OTOGL: variants seen among roughly 807,000 people sequenced by gnomAD.
The protein encoded by OTOGL is otogelin like, also known as otogelin-like protein.
In OTOGL, 285 loss-of-function variants were observed where a neutral mutation model predicts 318.5. The observed-to-expected ratio is 0.89, with a 90% CI of 0.81 to 0.99. The LOEUF (loss-of-function observed/expected upper bound fraction) is 0.99. Among genes scored for constraint, OTOGL ranks in the 50% least tolerant of loss-of-function variants. The probability of loss-of-function intolerance (pLI) is 0.00; values close to 1 mark genes in which losing one functional copy is unlikely to be tolerated. For synonymous variants in OTOGL, 987 were observed against 936.5 expected (o/e 1.05, Z -0.99); for missense variants, 2,899 against 2,845.6 (o/e 1.02, Z -0.43).
At chr12:80,195,672 A>T (rs1298152486) in intron 1 of OTOGL, among the ~76,000 whole-genome samples, 1 of 152,284 alleles carries the variant, frequency 6.6e-6, no homozygotes, top group Middle Eastern at 3.4e-3. Flanking sequence ...AGATTTTGAT[A>T]TAGACAATGC....
chr12:80,270,189 T>C lies in OTOGL; in HGVS notation c.2518+35T>C. On this transcript the variant is annotated intron_variant, in intron 23 of 58. Transcript: ENST00000547103. The stretch of plus-strand genomic sequence containing the variant: ...TAAAAGATGTTTTCCTGAATGAGGG[T>C]TCAGCTCTGATACCACCTCCACTCC... 5 of 1,531,058 alleles carry C rather than the reference T, an allele frequency of 3.3e-6. No homozygotes were observed. The South Asian group carries it at 3.5e-5, about 11-fold the overall frequency. The allele number at this position is 1,531,058 out of a possible 1,614,324, so 94.8% of individuals were successfully genotyped here. A position where few individuals can be genotyped will look rare whatever the true frequency, so the allele number is the denominator to read the frequency against.
At chr12:80,185,200 C>T (rs1006654031) in intron 1 of OTOGL, among the ~76,000 whole-genome samples, 3 of 152,088 alleles carry the variant, frequency 2.0e-5, no homozygotes, top group African/African-American at 2.4e-5. Context: ...GCAATGTGAA[C>T]AGAGAGGAAG....
intron 1 of OTOGL, among the ~76,000 whole-genome samples, chr12:80,132,984 T>A (rs1380977873): frequency 6.6e-6 from 1 of 152,232 alleles, no homozygotes; most frequent in African/African-American, 2.4e-5. Flanking sequence ...TCTCTCCTGT[T>A]ACTTTTGTTT....
At chr12:80,329,602 C>G (rs1887940844) in intron 37 of OTOGL, among the ~76,000 whole-genome samples, 1 of 152,180 alleles carries the variant, frequency 6.6e-6, no homozygotes, top group Non-Finnish European at 1.5e-5. Context: ...CATTCTGTCT[C>G]TGGCTCTGGA....
Position 80,220,760 on chromosome 12 carries a change from G to GA in OTOGL, c.334+851dup, listed in dbSNP as rs138344386. On this transcript the variant is annotated intron_variant, in intron 6 of 58. Coordinates refer to ENST00000547103, the MANE Select transcript of OTOGL (RefSeq NM_001378609.3). ...ATTGGGGATGCAACGGTGAATAATA[G>GA]AAACATGTTCCTGTCCTCTTGGAGG... Among the ~76,000 whole-genome samples the GA allele has an allele frequency of 4.7e-4, 71 of 151,860 alleles. No individual in the cohort carries two copies. The East Asian group carries it at 0.012, about 27-fold the overall frequency.
At chr12:80,258,433 A>G (rs1245506096) in intron 18 of OTOGL, among the ~76,000 whole-genome samples, 1 of 152,160 alleles carries the variant, frequency 6.6e-6, no homozygotes, top group Non-Finnish European at 1.5e-5. Context: ...TAAATACTCT[A>G]TAAATATTGA....
At chr12:80,243,597 T>G (rs1302850927) in intron 11 of OTOGL, among the ~76,000 whole-genome samples, 1 of 151,582 alleles carries the variant, frequency 6.6e-6, no homozygotes, top group Non-Finnish European at 1.5e-5. Context: ...ACGTGTGATA[T>G]TGGAGCAAAA....
At position 80,275,123 on chromosome 12, in the gene OTOGL, T is replaced by C. The variant is rs568653773; in HGVS notation, c.2682-3045T>C. On this transcript the variant is annotated intron_variant, in intron 24 of 58. Coordinates refer to ENST00000547103, the MANE Select transcript of OTOGL (RefSeq NM_001378609.3). Reference sequence around the variant, plus strand: ...ATTTAGGAAATACATTTCACAGGGCTATACCTGCCATAGATAGTGATTTCT... The same window carrying C: ...ATTTAGGAAATACATTTCACAGGGCCATACCTGCCATAGATAGTGATTTCT... 3.0e-4 allele frequency among the ~76,000 whole-genome samples: 45 copies of C among 152,116 alleles called. No individual in the cohort carries two copies. The East Asian group carries it at 8.7e-3, about 29-fold the overall frequency.
At chr12:80,169,065 A>G (rs1874017319) in intron 1 of OTOGL, among the ~76,000 whole-genome samples, 1 of 152,116 alleles carries the variant, frequency 6.6e-6, no homozygotes, top group African/African-American at 2.4e-5. Context: ...TTTGCCTTCT[A>G]GATTTTTTTT....
chr12:80,203,453 A>T (rs1876597034), intron 1 of OTOGL, among the ~76,000 whole-genome samples: 1 of 152,120 alleles, frequency 6.6e-6, no homozygotes, highest in South Asian at 2.1e-4. Context: ...AGTAAAATTC[A>T]CAGATTCTGG....
Position 80,320,419 on chromosome 12 carries a change from C to T in OTOGL, c.3803-3C>T, listed in dbSNP as rs1252996088. The T allele has an allele frequency of 6.2e-7, 1 of 1,606,738 alleles. No homozygotes were observed. Among genetic ancestry groups the T allele is most frequent in the Non-Finnish European group, 8.5e-7 (1 of 1,175,714 alleles). On this transcript the variant is annotated splice_polypyrimidine_tract_variant and splice_region_variant and intron_variant, in intron 33 of 58. Transcript: ENST00000547103. Reference sequence around the variant, plus strand: ...AGAATCCACACTGCTCTATATTTTACAGCATTAGCACTTGTTTCCTTGGAA... The same window carrying T: ...AGAATCCACACTGCTCTATATTTTATAGCATTAGCACTTGTTTCCTTGGAA...
At chr12:80,211,645 G>A (rs1394867046) in intron 3 of OTOGL, among the ~76,000 whole-genome samples, 1 of 152,106 alleles carries the variant, frequency 6.6e-6, no homozygotes, top group African/African-American at 2.4e-5. Context: ...GCAAGGGTTG[G>A]TGCTACAATG....
intron 35 of OTOGL, among the ~76,000 whole-genome samples, chr12:80,327,639 A>G (rs1887762020): frequency 6.6e-6 from 1 of 151,592 alleles, no homozygotes; most frequent in Non-Finnish European, 1.5e-5. Context: ...GAGCATGCCA[A>G]TCTGCTTGGA....
rs150861630 is a variant in OTOGL, at chr12:80,185,264, T to C, written c.-19-24149T>C. 4.6e-5 allele frequency among the ~76,000 whole-genome samples: 7 copies of C among 152,214 alleles called. No homozygotes were observed. In the East Asian group the frequency reaches 1.4e-3, roughly 29 times the overall value. On this transcript the variant is annotated intron_variant, in intron 1 of 58. Transcript: ENST00000547103. ...TGAGGTCAGGCTGCCTGGGTTATAA[T>C]GTAAGTTCTGCTATATTATAAATTA... is the stretch of plus-strand genomic sequence containing the variant.
At chr12:80,163,035 C>CA (rs1213692838) in intron 1 of OTOGL, among the ~76,000 whole-genome samples, 2 of 151,260 alleles carry the variant, frequency 1.3e-5, no homozygotes, top group Non-Finnish European at 2.9e-5. Flanking sequence ...ATATTCTTTC[C>CA]AAAAAAATGG....
At chr12:80,250,394 G>A (rs1426912909) in intron 11 of OTOGL, among the ~76,000 whole-genome samples, 1 of 152,070 alleles carries the variant, frequency 6.6e-6, no homozygotes, top group Non-Finnish European at 1.5e-5. Context: ...ACAACAAATG[G>A]TGAGTATTAT....
chr12:80,290,193 G>T (rs1884945523), intron 26 of OTOGL, among the ~76,000 whole-genome samples: 4 of 152,072 alleles, frequency 2.6e-5, no homozygotes, highest in African/African-American at 9.7e-5. Flanking sequence ...ACCCCGCCCT[G>T]CTTCTGCTCA....
intron 27 of OTOGL, among the ~76,000 whole-genome samples, chr12:80,298,345 G>A (rs745473665): frequency 2.5e-4 from 38 of 152,192 alleles, no homozygotes; most frequent in Non-Finnish European, 2.2e-4. Context: ...GTACTAACTC[G>A]GAACCTCTGT....
chr12:80,162,609 T>C (rs1052024498), intron 1 of OTOGL, among the ~76,000 whole-genome samples: 20 of 152,066 alleles, frequency 1.3e-4, no homozygotes, highest in African/African-American at 4.8e-4. Flanking sequence ...TCTGCTTGGC[T>C]TGTAGATGGC....
Sources: gnomAD v4.1 joint callset for allele counts (sites outside exome capture counted in the v4.1 genomes callset) on GRCh38, gnomAD v4.1.1 for gene constraint, MANE v1.5 for transcripts, NCBI Gene and HGNC (gene_info 2026-07-23, HGNC 2026-07-21) for gene names.